The following TTC23L variants were observed in gnomAD, a reference collection of about 807,000 sequenced individuals.
The protein encoded by TTC23L is tetratricopeptide repeat domain 23 like.
Under a neutral mutation model 48.1 loss-of-function variants are expected in TTC23L, and 42 were observed. The observed-to-expected ratio is 0.87, with a 90% CI of 0.68 to 1.13. The LOEUF (loss-of-function observed/expected upper bound fraction) is 1.13. Ranked by LOEUF, TTC23L falls within the 50% of genes most tolerant of loss-of-function variation. TTC23L has a pLI of 0.00. For missense variants in TTC23L, 391 were observed against 421.0 expected (o/e 0.93, Z 0.62); for synonymous variants, 159 against 157.2 (o/e 1.01, Z -0.09).
intron 9 of TTC23L, among the ~76,000 whole-genome samples, chr5:34,893,305 G>A (rs1230257659): frequency 2.0e-5 from 3 of 152,130 alleles, no homozygotes; most frequent in African/African-American, 4.8e-5. Flanking sequence ...TTTCTAGGGC[G>A]CCTGAGGGAA....
intron 10 of TTC23L, 143 bp from the exon 11 acceptor site, chr5:34,899,246 GT>G (rs1333094413): frequency 6.6e-6 from 1 of 152,576 alleles, no homozygotes; most frequent in Non-Finnish European, 1.5e-5. Flanking sequence ...TGGAATAATG[GT>G]GACACAGTCG....
rs182001792 is a variant in TTC23L, at chr5:34,877,198, A to G, written c.950-2983A>G. 5.9e-5 allele frequency among the ~76,000 whole-genome samples: 9 copies of G among 152,286 alleles called. No homozygotes were observed. In the East Asian group the frequency reaches 1.7e-3, roughly 29 times the overall value. On this transcript the variant is annotated intron_variant, in intron 8 of 10. Transcript: ENST00000505624. ...ATCAATGCATCACACCAACAGGCTAAAGAAGAAAAATCACATAATCATATC... is the reference window on the plus strand; with the variant it reads ...ATCAATGCATCACACCAACAGGCTAGAGAAGAAAAATCACATAATCATATC...
intron 8 of TTC23L, 64 bp downstream of exon 8, chr5:34,869,077 A>G (rs765407597): frequency 1.9e-4 from 242 of 1,285,236 alleles, no homozygotes; most frequent in Non-Finnish European, 2.6e-4. Context: ...ATTGGCAAAC[A>G]GCCTATCTAA....
chr5:34,848,430 A>G (rs981412608), intron 3 of TTC23L, among the ~76,000 whole-genome samples: 1 of 152,238 alleles, frequency 6.6e-6, no homozygotes, highest in Non-Finnish European at 1.5e-5. Flanking sequence ...GGCAGATAAC[A>G]GCGAACATGA....
chr5:34,924,084 T>C, the TTC23L span, among the ~76,000 whole-genome samples: 18 of 152,322 alleles, frequency 1.2e-4, no homozygotes, highest in African/African-American at 3.1e-4. Context: ...ATGTAATTGC[T>C]CTAGAAGGCA....
At chr5:34,916,294 A>G in the TTC23L span, 1 of 156,268 alleles carries the variant, frequency 6.4e-6, no homozygotes, top group Non-Finnish European at 1.4e-5. Context: ...AGCCACTCTC[A>G]GTCAGGGATC....
chr5:34,920,108 GAGA>G, the TTC23L span: 23 of 343,112 alleles, frequency 6.7e-5, no homozygotes, highest in East Asian at 1.3e-3. Context: ...ATTTCCTCAG[GAGA>G]AGGATTATGT....
intron 3 of TTC23L, among the ~76,000 whole-genome samples, chr5:34,848,903 GAAC>G (rs1759443262): frequency 6.6e-6 from 1 of 152,204 alleles, no homozygotes; most frequent in Admixed American, 6.5e-5. Context: ...GGAGGATTTT[GAAC>G]AGGAAAGTCA....
the TTC23L span, chr5:34,915,906 G>A: frequency 1.1e-5 from 17 of 1,545,150 alleles, no homozygotes; most frequent in Non-Finnish European, 1.5e-5. Context: ...AGGTAGGAGG[G>A]GATGTCCCCG....
intron 9 of TTC23L, among the ~76,000 whole-genome samples, chr5:34,884,122 A>G (rs1762405803): frequency 6.6e-6 from 1 of 152,198 alleles, no homozygotes; most frequent in Non-Finnish European, 1.5e-5. Flanking sequence ...AATCAATGAG[A>G]TACACCACCT....
At chr5:34,911,912 G>A in the TTC23L span, 1,101 of 1,372,902 alleles carry the variant, frequency 8.0e-4, 1 homozygote, top group Admixed American at 1.5e-3. Context: ...AATTTATTCC[G>A]CCCAATTTCT....
At chr5:34,841,531 G>A (rs1266245359) in intron 2 of TTC23L, among the ~76,000 whole-genome samples, 1 of 152,054 alleles carries the variant, frequency 6.6e-6, no homozygotes, top group African/African-American at 2.4e-5. Flanking sequence ...GTTTTGTTTC[G>A]TTTTTAGAGA....
intron 2 of TTC23L, 42 bp from the exon 3 acceptor site, chr5:34,845,445 A>G: frequency 6.3e-7 from 1 of 1,574,948 alleles, no homozygotes; most frequent in Non-Finnish European, 8.6e-7. Flanking sequence ...TTTGAGATGG[A>G]GAAGGTTAAA....
chr5:34,914,356 G>C, the TTC23L span: 1 of 312,140 alleles, frequency 3.2e-6, no homozygotes, highest in East Asian at 8.0e-5. Flanking sequence ...AATAATAACA[G>C]AACCTACCTT....
chr5:34,860,945 CT>C, intron 4 of TTC23L: 6 of 160,240 alleles, frequency 3.7e-5, no homozygotes, highest in South Asian at 1.9e-4. Context: ...TGCCGTTAGC[CT>C]TTTCCCACTG....
chr5:34,881,219 CTT>C (rs1762204344), intron 9 of TTC23L, among the ~76,000 whole-genome samples: 1 of 152,200 alleles, frequency 6.6e-6, no homozygotes, highest in Non-Finnish European at 1.5e-5. Flanking sequence ...TGGCTTCCAT[CTT>C]CGGATCTAGC....
chr5:34,925,236 T>A, the TTC23L span: 1 of 1,578,730 alleles, frequency 6.3e-7, no homozygotes, highest in Non-Finnish European at 8.6e-7. Flanking sequence ...CATCGGCGTG[T>A]CATAAGATCC....
intron 9 of TTC23L, among the ~76,000 whole-genome samples, chr5:34,889,513 C>G (rs1762726322): frequency 6.6e-6 from 1 of 152,140 alleles, no homozygotes; most frequent in African/African-American, 2.4e-5. Flanking sequence ...GCCCTCCTAT[C>G]CACACCCCCT....
chr5:34,903,444 C>T (rs530222534), downstream of TTC23L, among the ~76,000 whole-genome samples: 94 of 152,082 alleles, frequency 6.2e-4, no homozygotes, highest in Non-Finnish European at 1.2e-3. Flanking sequence ...CAGAGCGGTA[C>T]ATTTGTGACA....
Sources: allele counts gnomAD v4.1 joint callset (sites outside exome capture counted in the v4.1 genomes callset), GRCh38; gene constraint gnomAD v4.1.1; transcripts MANE v1.5; gene names NCBI Gene and HGNC (gene_info 2026-07-23, HGNC 2026-07-21).